OR6N1: variants seen among roughly 807,000 people sequenced by gnomAD.
The protein encoded by OR6N1 is olfactory receptor family 6 subfamily N member 1.
For synonymous variants in OR6N1, 170 were observed against 150.7 expected, an observed-to-expected ratio of 1.13 and a Z score of -0.94; for missense variants, 394 against 371.7, an observed-to-expected ratio of 1.06 and a Z score of -0.49.
chr1:158,765,521 T>C lies in OR6N1; in HGVS notation c.*223A>G. 1 of 487,246 alleles carries C rather than the reference T, an allele frequency of 2.1e-6. No individual in the cohort carries two copies. The highest frequency in any genetic ancestry group is 3.8e-5 in the South Asian group (1 of 26,578). 30.2% of individuals were successfully genotyped at this position (487,246 alleles called of 1,614,324 possible). On this transcript the variant is annotated 3_prime_UTR_variant, in exon 2 of 2. Transcript: ENST00000641846. Reference sequence around the variant, plus strand: ...TTGAAAATCACTGCACTACATCATGTTGAAGGGATGTGTACTTTCCCTAGT... The same window carrying C: ...TTGAAAATCACTGCACTACATCATGCTGAAGGGATGTGTACTTTCCCTAGT...
Position 158,765,853 on chromosome 1 carries a change from AC to A in OR6N1, c.829del (p.Val277SerfsTer25). ...SLDYDQALAV[V>X]YSVLTPFLNP... The stretch of plus-strand genomic sequence containing the variant: ...GAGGAAGGGTGTGAGCACTGAGTAG[AC>A]CACTGCCAGGGCCTGGTCATAGTCC... On this transcript the variant is annotated frameshift_variant, in exon 2 of 2. Coordinates refer to ENST00000641846, the MANE Select transcript of OR6N1 (RefSeq NM_001005185.2). LOFTEE classifies it low-confidence loss of function (END_TRUNC). 6.2e-7 allele frequency: 1 copy of A among 1,614,140 alleles called. No individual in the cohort carries two copies. The highest frequency in any genetic ancestry group is 8.5e-7 in the Non-Finnish European group (1 of 1,179,976).
At position 158,766,171 on chromosome 1, in the gene OR6N1, G is replaced by C. The variant is rs754372439; in HGVS notation, c.512C>G (p.Pro171Arg). 6.2e-7 allele frequency: 1 copy of C among 1,614,126 alleles called. No homozygotes were observed. The highest frequency in any genetic ancestry group is 1.1e-5 in the South Asian group (1 of 91,080). ...ACAAAAGACGTGCTGAATGCGATTGGGGCCACAGAATGGGAGGCGTGAAAT... is the reference window on the plus strand; with the variant it reads ...ACAAAAGACGTGCTGAATGCGATTGCGGCCACAGAATGGGAGGCGTGAAAT... ...SLISRLPFCG[P>R]NRIQHVFCDF... is the part of the protein sequence containing the mutation. The change falls in exon 2 of 2, where the codon CCC (proline) becomes CGC (arginine). Residue 171 changes from proline (P) to arginine (R), a missense_variant. Physicochemically the swap from Pro to Arg is moderately radical, Grantham distance 103. Coordinates refer to ENST00000641846, the MANE Select transcript of OR6N1 (RefSeq NM_001005185.2).
At chr1:158,791,055 C>T in the OR6N1 span, among the ~76,000 whole-genome samples, 7 of 152,198 alleles carry the variant, frequency 4.6e-5, no homozygotes, top group East Asian at 7.7e-4. Flanking sequence ...TCTGTTTATG[C>T]GATTAAACAC....
At chr1:158,772,597 A>G (rs1257788063), upstream of OR6N1, among the ~76,000 whole-genome samples, 4 of 152,230 alleles carry the variant, frequency 2.6e-5, no homozygotes, top group Non-Finnish European at 5.9e-5. Flanking sequence ...GAGGACAGGG[A>G]GACACTGGGG....
chr1:158,808,553 G>A, the OR6N1 span: 1 of 153,240 alleles, frequency 6.5e-6, no homozygotes, highest in South Asian at 2.1e-4. Flanking sequence ...TCGACTCCCA[G>A]GTGAGCCCAC....
At chr1:158,825,666 C>T in the OR6N1 span, among the ~76,000 whole-genome samples, 1 of 152,286 alleles carries the variant, frequency 6.6e-6, no homozygotes, top group East Asian at 1.9e-4. Context: ...AATGCTTATA[C>T]ATGGCTGGTA....
the OR6N1 span, chr1:158,777,608 C>G: frequency 6.2e-7 from 1 of 1,613,432 alleles, no homozygotes; most frequent in African/African-American, 1.3e-5. Context: ...ACAAATTCAG[C>G]CAGGCTTGAA....
At chr1:158,777,388 G>A in the OR6N1 span, 1 of 1,614,140 alleles carries the variant, frequency 6.2e-7, no homozygotes, top group Non-Finnish European at 8.5e-7. Flanking sequence ...GAGAATATTA[G>A]ACAACATCTT....
chr1:158,823,288 C>T, the OR6N1 span, among the ~76,000 whole-genome samples: 1 of 151,994 alleles, frequency 6.6e-6, no homozygotes, highest in African/African-American at 2.4e-5. Context: ...GAAATGGTAC[C>T]AACTCTTCTT....
At chr1:158,809,728 A>C in the OR6N1 span, among the ~76,000 whole-genome samples, 2 of 152,144 alleles carry the variant, frequency 1.3e-5, no homozygotes, top group Non-Finnish European at 2.9e-5. Context: ...ACCTCCCAAA[A>C]GTGACTGTTG....
chr1:158,798,019 C>A, the OR6N1 span, among the ~76,000 whole-genome samples: 1 of 151,884 alleles, frequency 6.6e-6, no homozygotes, highest in Non-Finnish European at 1.5e-5. Flanking sequence ...ATGAATCCAG[C>A]CAATTTAAAA....
chr1:158,834,883 C>T, the OR6N1 span, among the ~76,000 whole-genome samples: 1 of 152,062 alleles, frequency 6.6e-6, no homozygotes, highest in African/African-American at 2.4e-5. Context: ...TGTTCTTTCT[C>T]ATTAAACAGC....
rs369408240 is a variant in OR6N1 at position 158,765,717 on chromosome 1, C to T, written c.*27G>A. 14 of 1,572,422 alleles carry T rather than the reference C, an allele frequency of 8.9e-6. No homozygotes were observed. The highest frequency in any genetic ancestry group is 6.8e-5 in the Admixed American group (4 of 58,936). ...CCTGGGGCCACCATATCCTCAGGCC[C>T]GGCCTTGGCCTACTCTCAGCCCCAA... On this transcript the variant is annotated 3_prime_UTR_variant, in exon 2 of 2. Transcript: ENST00000641846.
upstream of OR6N1, chr1:158,776,660 G>T: frequency 7.0e-7 from 1 of 1,419,604 alleles, no homozygotes; most frequent in Non-Finnish European, 9.8e-7. Flanking sequence ...ACATTGAGGT[G>T]AGAAAGGACA....
chr1:158,768,318 T>C (rs908140329), intron 1 of OR6N1, among the ~76,000 whole-genome samples: 2 of 152,214 alleles, frequency 1.3e-5, no homozygotes, highest in African/African-American at 2.4e-5. Context: ...ACATCTCCTC[T>C]TGGGAGTCGA....
the OR6N1 span, among the ~76,000 whole-genome samples, chr1:158,788,444 G>C: frequency 2.6e-5 from 4 of 152,120 alleles, no homozygotes; most frequent in East Asian, 7.7e-4. Flanking sequence ...CATAAAGCAT[G>C]TATTTATATT....
At chr1:158,767,506 A>G (rs1282223029) in intron 1 of OR6N1, among the ~76,000 whole-genome samples, 1 of 152,204 alleles carries the variant, frequency 6.6e-6, no homozygotes, top group Non-Finnish European at 1.5e-5. Context: ...GTTGAGGTCA[A>G]TGTAACAATA....
At chr1:158,779,804 G>A in the OR6N1 span, among the ~76,000 whole-genome samples, 2 of 152,036 alleles carry the variant, frequency 1.3e-5, no homozygotes, top group Admixed American at 6.6e-5. Context: ...TACTTTTACT[G>A]AATCCCTCAG....
chr1:158,827,046 T>C, the OR6N1 span, among the ~76,000 whole-genome samples: 7 of 152,178 alleles, frequency 4.6e-5, no homozygotes, highest in Non-Finnish European at 7.4e-5. Flanking sequence ...CTAGTTAGAA[T>C]AGTTTCAGCC....
Sources: allele counts gnomAD v4.1 joint callset (sites outside exome capture counted in the v4.1 genomes callset), GRCh38; gene constraint gnomAD v4.1.1; transcripts MANE v1.5; gene names NCBI Gene and HGNC (gene_info 2026-07-23, HGNC 2026-07-21).